Variants in TENT4A observed in about 807,000 individuals in gnomAD.
TENT4A encodes the protein DNA polymerase kappa.
A neutral mutation model predicts 72.8 loss-of-function variants in TENT4A; 7 were observed. That is an observed-to-expected ratio of 0.10 (90% CI 0.05 to 0.18). The LOEUF is 0.18. Among genes scored for constraint, TENT4A ranks in the 10% least tolerant of loss-of-function variants. The pLI, the probability that TENT4A is intolerant of heterozygous loss-of-function variation, is 1.00. For synonymous variants in TENT4A, 456 were observed against 434.3 expected (o/e 1.05, Z -0.62); for missense variants, 831 against 1,017.7 (o/e 0.82, Z 2.50).
At chr5:6,754,417 C>T (rs570523840) in intron 12 of TENT4A, among the ~76,000 whole-genome samples, 2 of 152,264 alleles carry the variant, frequency 1.3e-5, no homozygotes, top group South Asian at 4.1e-4. Context: ...GACATGCCTG[C>T]CTCGGCCTCC....
intron 6 of TENT4A, among the ~76,000 whole-genome samples, chr5:6,745,527 A>C (rs1742040101): frequency 6.6e-6 from 1 of 152,278 alleles, no homozygotes. Context: ...TTTTTAATTA[A>C]TTTGTTTTAA....
chr5:6,738,089 G>T (rs28363347), intron 2 of TENT4A, among the ~76,000 whole-genome samples: 1,800 of 152,256 alleles, frequency 0.012, 13 homozygotes, highest in South Asian at 0.023. Flanking sequence ...CACCACTCTT[G>T]CAGTGAAGGA....
chr5:6,748,318 T>G (rs1742217221), intron 7 of TENT4A, 146 bp from the exon 8 acceptor site: 1 of 1,037,752 alleles, frequency 9.6e-7, no homozygotes, highest in Admixed American at 1.8e-5. Flanking sequence ...GTGCCCATTG[T>G]GTTCGCCTGT....
chr5:6,718,395 C>G (rs1463884876), intron 1 of TENT4A, among the ~76,000 whole-genome samples: 3 of 152,180 alleles, frequency 2.0e-5, no homozygotes, highest in African/African-American at 7.2e-5. Context: ...TTGTGATGCT[C>G]AGCAGGGCCT....
At chr5:6,736,622 G>A (rs527397985) in intron 1 of TENT4A, among the ~76,000 whole-genome samples, 1 of 152,234 alleles carries the variant, frequency 6.6e-6, no homozygotes, top group African/African-American at 2.4e-5. Flanking sequence ...GCAGTCATCT[G>A]TGTAGGCCTC....
At chr5:6,751,495 G>T in intron 11 of TENT4A, 1 of 341,452 alleles carries the variant, frequency 2.9e-6, no homozygotes, top group Non-Finnish European at 5.4e-6. Flanking sequence ...CTGCTGTCGA[G>T]GGTCATCTTG....
At chr5:6,714,740 A>C in intron 1 of TENT4A, 41 bp downstream of exon 1, 1 of 744,088 alleles carries the variant, frequency 1.3e-6, no homozygotes, top group Non-Finnish European at 1.7e-6. Context: ...GGCGGGGCCC[A>C]TGGTCCTGGC....
intron 1 of TENT4A, 136 bp downstream of exon 1, chr5:6,714,835 G>A (rs1368329852): frequency 8.1e-6 from 3 of 372,006 alleles, no homozygotes; most frequent in Non-Finnish European, 1.3e-5. Flanking sequence ...GCCCGACTCT[G>A]CACTGAAAGT....
chr5:6,732,069 G>T (rs915251197), intron 1 of TENT4A, among the ~76,000 whole-genome samples: 1 of 152,226 alleles, frequency 6.6e-6, no homozygotes, highest in Non-Finnish European at 1.5e-5. Flanking sequence ...TGACTACAAA[G>T]AAGTCACCTT....
Position 6,714,409 on chromosome 5 carries a change from C to T in TENT4A, c.426C>T (p.Gly142=). ...SSSSASLGRP[G]GGRGGAFFNF... ...GCAGCGCCTCGCTGGGCCGGCCGGG[C>T]GGCGGCCGCGGCGGCGCCTTCTTCA... is the stretch of plus-strand genomic sequence containing the variant. The change falls in exon 1 of 13, where the codon GGC becomes GGT. Residue 142 remains glycine, a synonymous_variant. Coordinates refer to ENST00000230859, the MANE Select transcript of TENT4A (RefSeq NM_006999.6). 8.7e-7 allele frequency: 1 copy of T among 1,143,746 alleles called. No individual in the cohort carries two copies. The highest frequency in any genetic ancestry group is 1.1e-6 in the Non-Finnish European group (1 of 931,952). 70.8% of individuals were successfully genotyped at this position (1,143,746 alleles called of 1,614,324 possible).
chr5:6,742,234 C>T (rs4702386), intron 4 of TENT4A, among the ~76,000 whole-genome samples: 10,282 of 152,174 alleles, frequency 0.068, 489 homozygotes, highest in African/African-American at 0.13. Context: ...CCTCCCCTCA[C>T]GTCTCTTTGA....
At chr5:6,744,648 G>A (rs28381386) in intron 6 of TENT4A, among the ~76,000 whole-genome samples, 2,021 of 152,314 alleles carry the variant, frequency 0.013, 20 homozygotes, top group Non-Finnish European at 0.019. Context: ...TGTGATGATC[G>A]CAGCTTCCTT....
In TENT4A at chr5:6,746,226, A is replaced by G; in HGVS notation, c.1258A>G (p.Ile420Val). 1.9e-6 allele frequency: 3 copies of G among 1,614,190 alleles called. No individual in the cohort carries two copies. Among genetic ancestry groups the G allele is most frequent in the Non-Finnish European group, 2.5e-6 (3 of 1,180,006 alleles). Reference protein sequence around the residue: ...AISFLQLHPRIDARRADENLG... With the variant: ...AISFLQLHPRVDARRADENLG... ...ATTGCTTTTACAGTTGCATCCAAGA[A>G]TTGATGCCCGGAGAGCTGATGAAAA... The change falls in exon 7 of 13, where the codon ATT becomes GTT. Residue 420 changes from isoleucine (I) to valine (V), a missense_variant. Physicochemically the swap from Ile to Val is conservative, Grantham distance 29. Around this residue, in one of 3 missense-constraint regions of TENT4A, gnomAD observed 197 missense variants for 399.6 expected, o/e 0.49. Transcript: ENST00000230859.
chr5:6,733,318 G>A (rs766362712), intron 1 of TENT4A, among the ~76,000 whole-genome samples: 72 of 152,368 alleles, frequency 4.7e-4, no homozygotes, highest in Non-Finnish European at 8.5e-4. Flanking sequence ...ACTGCTTCCC[G>A]GCGTGCCGCC....
chr5:6,755,173 T>G lies in TENT4A; in HGVS notation c.*228T>G. The G allele has an allele frequency of 2.5e-6, 1 of 407,928 alleles. No homozygotes were observed. Among genetic ancestry groups the G allele is most frequent in the East Asian group, 3.7e-5 (1 of 27,030 alleles). 25.3% of individuals were successfully genotyped at this position (407,928 alleles called of 1,614,324 possible). A position where few individuals can be genotyped will look rare whatever the true frequency, so the allele number is the denominator to read the frequency against. ...TAAACGTGGACGTTGTTTTCTGCCT[T>G]CCCAGGATTCTTCCTTCAGTGCTGA... On this transcript the variant is annotated 3_prime_UTR_variant, in exon 13 of 13. Transcript: ENST00000230859.
At chr5:6,726,522 C>G (rs1740932031) in intron 1 of TENT4A, among the ~76,000 whole-genome samples, 1 of 152,182 alleles carries the variant, frequency 6.6e-6, no homozygotes, top group Admixed American at 6.5e-5. Flanking sequence ...GCCGTGCCAC[C>G]TTGACCTGGC....
chr5:6,718,489 GT>G (rs1241888770), intron 1 of TENT4A, among the ~76,000 whole-genome samples: 1 of 152,194 alleles, frequency 6.6e-6, no homozygotes, highest in Non-Finnish European at 1.5e-5. Context: ...GAGAGAGGTT[GT>G]TGTGAGACCT....
intron 1 of TENT4A, among the ~76,000 whole-genome samples, chr5:6,720,705 A>C (rs1189119866): frequency 6.6e-6 from 1 of 151,286 alleles, no homozygotes; most frequent in Non-Finnish European, 1.5e-5. Context: ...TAAATAAATA[A>C]ATAAATAAAT....
intron 1 of TENT4A, among the ~76,000 whole-genome samples, chr5:6,721,821 T>A (rs1453160072): frequency 6.6e-6 from 1 of 152,218 alleles, no homozygotes; most frequent in Non-Finnish European, 1.5e-5. Flanking sequence ...CTAAATCAGC[T>A]GCCGTGCATA....
Sources: gnomAD v4.1 joint callset for allele counts (sites outside exome capture counted in the v4.1 genomes callset) on GRCh38, gnomAD v4.1.1 for gene constraint, gnomAD v4.1.1 regional missense constraint, MANE v1.5 for transcripts, NCBI Gene and HGNC (gene_info 2026-07-23, HGNC 2026-07-21) for gene names.